SPEF2: variants seen among roughly 807,000 people sequenced by gnomAD.
The protein encoded by SPEF2 is sperm flagellar and cilia associated 2.
A neutral mutation model predicts 224.6 loss-of-function variants in SPEF2; 187 were observed. The ratio of observed to expected loss-of-function variants is 0.83; its 90% confidence interval spans 0.74 to 0.94. The LOEUF is 0.94. Ranked by LOEUF, SPEF2 falls within the 40% of genes least tolerant of loss-of-function variation. The probability of loss-of-function intolerance (pLI) is 0.00; values close to 1 mark genes in which losing one functional copy is unlikely to be tolerated. For missense variants in SPEF2, 2,170 were observed against 2,135.6 expected (o/e 1.02, Z -0.32); for synonymous variants, 715 against 707.3 (o/e 1.01, Z -0.17).
intron 29 of SPEF2, among the ~76,000 whole-genome samples, chr5:35,777,918 G>A (rs557762093): frequency 6.6e-6 from 1 of 152,098 alleles, no homozygotes; most frequent in East Asian, 1.9e-4. Context: ...TCCACATTTG[G>A]AGTCCCTCCT....
Position 35,675,368 on chromosome 5 carries a change from TATC to T in SPEF2, c.1524+5144_1524+5146del, listed in dbSNP as rs543034493. The stretch of plus-strand genomic sequence containing the variant: ...ATTGATGTTGAAAGAAATATTCTCA[TATC>T]ATTCTAGTTTAGTTTTTAAGAGTGT... On this transcript the variant is annotated intron_variant, in intron 10 of 36. Transcript: ENST00000356031. 2.4e-4 allele frequency among the ~76,000 whole-genome samples: 37 copies of T among 152,324 alleles called. No individual in the cohort carries two copies. In the East Asian group the frequency reaches 6.9e-3, roughly 29 times the overall value.
At chr5:35,697,605 G>T in intron 14 of SPEF2, 85 bp from the exon 15 acceptor site, 1 of 1,041,966 alleles carries the variant, frequency 9.6e-7, no homozygotes, top group Non-Finnish European at 1.4e-6. Flanking sequence ...AGAGAGCCTG[G>T]TCATTTAATT....
chr5:35,634,422 T>C (rs1685465253), intron 2 of SPEF2, among the ~76,000 whole-genome samples: 1 of 152,148 alleles, frequency 6.6e-6, no homozygotes, highest in Non-Finnish European at 1.5e-5. Flanking sequence ...TTGATGCTTT[T>C]AAGATTCTCT....
At chr5:35,688,932 C>A (rs1754040145) in intron 10 of SPEF2, among the ~76,000 whole-genome samples, 1 of 152,066 alleles carries the variant, frequency 6.6e-6, no homozygotes, top group Non-Finnish European at 1.5e-5. Flanking sequence ...CCAAATATTT[C>A]CAAATGAGAT....
intron 32 of SPEF2, among the ~76,000 whole-genome samples, chr5:35,794,006 C>T (rs1756320947): frequency 6.6e-6 from 1 of 152,160 alleles, no homozygotes; most frequent in Non-Finnish European, 1.5e-5. Flanking sequence ...TAGTTGGCCA[C>T]TGGACGTGGC....
chr5:35,710,268 G>C, intron 19 of SPEF2: 9 of 984,254 alleles, frequency 9.1e-6, no homozygotes, highest in Non-Finnish European at 1.1e-5. Flanking sequence ...TTAGAACTGG[G>C]GAAGACAGGC....
intron 10 of SPEF2, chr5:35,675,529 C>CT (rs10709245): frequency 0.022 from 3,022 of 135,208 alleles, 110 homozygotes; most frequent in African/African-American, 0.072. Flanking sequence ...GTTAGGATTC[C>CT]TTTTTTTTTT....
chr5:35,753,704 G>C lies in SPEF2; in HGVS notation c.3411G>C (p.Glu1137Asp). The change falls in exon 24 of 37, where the codon GAG becomes GAC. Residue 1137 changes from glutamate to aspartate, a missense_variant. Physicochemically the swap from Glu to Asp is conservative, Grantham distance 45 (BLOSUM62 2). Coordinates refer to ENST00000356031, the MANE Select transcript of SPEF2 (RefSeq NM_024867.4). ...AGGAGCGGCTTGACATCATTAATGAGAGCTGGTTACAGGACACTCTTGGAA... is the reference window on the plus strand; with the variant it reads ...AGGAGCGGCTTGACATCATTAATGACAGCTGGTTACAGGACACTCTTGGAA... ...AEQERLDIIN[E>D]SWLQDTLGMT... 6.2e-7 allele frequency: 1 copy of C among 1,614,116 alleles called. No individual in the cohort carries two copies. Among genetic ancestry groups the C allele is most frequent in the Non-Finnish European group, 8.5e-7 (1 of 1,180,022 alleles).
At chr5:35,696,178 T>C (rs903696740) in intron 14 of SPEF2, among the ~76,000 whole-genome samples, 1 of 152,226 alleles carries the variant, frequency 6.6e-6, no homozygotes, top group Non-Finnish European at 1.5e-5. Context: ...AGAATTTGTT[T>C]ATTAATTCCT....
At chr5:35,764,683 A>G (rs1751852638) in intron 26 of SPEF2, 1 of 456,100 alleles carries the variant, frequency 2.2e-6, no homozygotes, top group Admixed American at 2.4e-5. Flanking sequence ...ACCTTGCAGC[A>G]CAGATCTCAC....
At chr5:35,672,752 C>T (rs919301285) in intron 10 of SPEF2, among the ~76,000 whole-genome samples, 6 of 152,014 alleles carry the variant, frequency 3.9e-5, no homozygotes, top group African/African-American at 1.4e-4. Flanking sequence ...AGAAATTAAT[C>T]TTCAAAAAGT....
At chr5:35,811,504 C>A (rs1447635103) in intron 36 of SPEF2, among the ~76,000 whole-genome samples, 1 of 152,012 alleles carries the variant, frequency 6.6e-6, no homozygotes, top group East Asian at 1.9e-4. Flanking sequence ...GGCTCTGGAG[C>A]TGCACTGACT....
intron 9 of SPEF2, among the ~76,000 whole-genome samples, chr5:35,669,037 G>A (rs552196682): frequency 6.6e-5 from 10 of 152,014 alleles, no homozygotes; most frequent in Admixed American, 4.6e-4. Context: ...AACAGGAAAC[G>A]TTGTTAGGTC....
intron 36 of SPEF2, chr5:35,808,049 T>C (rs1758285011): frequency 1.8e-6 from 2 of 1,111,840 alleles, no homozygotes; most frequent in South Asian, 3.7e-5. Context: ...AGAATGTAGA[T>C]TGTGTATCTT....
intron 23 of SPEF2, among the ~76,000 whole-genome samples, chr5:35,753,200 GTATTAATTAACAAGTTTA>G (rs1425069122): frequency 6.6e-6 from 1 of 151,818 alleles, no homozygotes; most frequent in African/African-American, 2.4e-5. Flanking sequence ...TCCACCTGTA[GTATTAATTAACAAGTTTA>G]TATTAATTAA....
intron 23 of SPEF2, among the ~76,000 whole-genome samples, chr5:35,742,849 T>C (rs1747890404): frequency 6.6e-6 from 1 of 151,960 alleles, no homozygotes; most frequent in Non-Finnish European, 1.5e-5. Context: ...TTAATGTTTA[T>C]ATTGATAAAT....
intron 2 of SPEF2, among the ~76,000 whole-genome samples, chr5:35,636,985 AAAAAAAG>A (rs1297797926): frequency 3.3e-5 from 5 of 151,364 alleles, no homozygotes; most frequent in African/African-American, 1.2e-4. Context: ...CAAAAAAAAA[AAAAAAAG>A]AAAAAAGAAA....
At chr5:35,652,997 CATT>C (rs1748417229) in intron 6 of SPEF2, among the ~76,000 whole-genome samples, 1 of 152,090 alleles carries the variant, frequency 6.6e-6, no homozygotes, top group African/African-American at 2.4e-5. Flanking sequence ...AGGCAAGTAA[CATT>C]ATGGTATATC....
rs115340751 is a variant in SPEF2 at position 35,743,123 on chromosome 5, G to A, written c.3330+2856G>A. On this transcript the variant is annotated intron_variant, in intron 23 of 36. Transcript: ENST00000356031. ...ATATTATATGTGGATATTTAGCTAC[G>A]TGGTTAGATATGGTGGACACACTCC... is the stretch of plus-strand genomic sequence containing the variant. Among the ~76,000 whole-genome samples the A allele has an allele frequency of 4.2e-3, 636 of 151,136 alleles. 8 individuals carry two copies. Among genetic ancestry groups the A allele is most frequent in the African/African-American group, 0.015 (608 of 41,318 alleles).
Sources: gnomAD v4.1 joint callset for allele counts (sites outside exome capture counted in the v4.1 genomes callset) on GRCh38, gnomAD v4.1.1 for gene constraint, MANE v1.5 for transcripts, NCBI Gene and HGNC (gene_info 2026-07-23, HGNC 2026-07-21) for gene names.